Variants in ADAMTSL2 observed in about 807,000 individuals in gnomAD.
ADAMTSL2 encodes ADAMTS like 2.
In ADAMTSL2, 55 loss-of-function variants were observed where a neutral mutation model predicts 117.0. That is an observed-to-expected ratio of 0.47 (90% confidence interval 0.38 to 0.59). The LOEUF (loss-of-function observed/expected upper bound fraction) is 0.59, where lower values mean the gene tolerates loss of function less well. Ranked by LOEUF, ADAMTSL2 falls within the 20% of genes least tolerant of loss-of-function variation. The pLI is 0.00. For synonymous variants in ADAMTSL2, 572 were observed against 566.4 expected, an observed-to-expected ratio of 1.01 and a Z score of -0.14; for missense variants, 1,182 against 1,354.5, an observed-to-expected ratio of 0.87 and a Z score of 2.00.
chr9:133,550,865 A>C (rs1408134734), intron 9 of ADAMTSL2, among the ~76,000 whole-genome samples: 1 of 152,110 alleles, frequency 6.6e-6, no homozygotes, highest in Admixed American at 6.5e-5. Context: ...TCTGTCTTCT[A>C]CTGGGGTGTT....
chr9:133,536,885 G>A, intron 2 of ADAMTSL2, 83 bp downstream of exon 2: 2 of 1,597,832 alleles, frequency 1.3e-6, no homozygotes, highest in South Asian at 1.1e-5. Flanking sequence ...CTGGCTTGGA[G>A]GGAGCCGTGT....
chr9:133,536,634 G>T lies in ADAMTSL2; in HGVS notation c.-79G>T. 6.2e-7 allele frequency: 1 copy of T among 1,613,858 alleles called. No homozygotes were observed. Among genetic ancestry groups the T allele is most frequent in the Non-Finnish European group, 8.5e-7 (1 of 1,179,926 alleles). The stretch of plus-strand genomic sequence containing the variant: ...CCTGGGCACTGGCTGGGCCCCGAGG[G>T]CTCTTCCCAAAGCGTACCCTGGTCA... On this transcript the variant is annotated 5_prime_UTR_variant, in exon 2 of 19. Transcript: ENST00000651351.
intron 12 of ADAMTSL2, among the ~76,000 whole-genome samples, 193 bp downstream of exon 12, chr9:133,561,488 C>T (rs1016922907): frequency 6.6e-6 from 1 of 151,996 alleles, no homozygotes; most frequent in Admixed American, 6.6e-5. Flanking sequence ...CCCTCATTCT[C>T]ACAGTGTGCT....
At chr9:133,542,815 G>T (rs571732813) in intron 7 of ADAMTSL2, among the ~76,000 whole-genome samples, 1 of 152,300 alleles carries the variant, frequency 6.6e-6, no homozygotes, top group South Asian at 2.1e-4. Flanking sequence ...TGGGGGCTGT[G>T]GGATGGGCTG....
intron 17 of ADAMTSL2, among the ~76,000 whole-genome samples, chr9:133,573,461 G>A (rs947146109): frequency 9.4e-4 from 143 of 152,310 alleles, no homozygotes; most frequent in African/African-American, 3.3e-3. Flanking sequence ...CCCTCACTGT[G>A]CATCTGGGGA....
intron 4 of ADAMTSL2, 108 bp from the exon 5 acceptor site, chr9:133,539,663 C>CGGCTGTCCCGGCTGTCCA: frequency 1.8e-6 from 2 of 1,112,754 alleles, no homozygotes; most frequent in Non-Finnish European, 2.6e-6. Flanking sequence ...ACGGCTGTCC[C>CGGCTGTCCCGGCTGTCCA]GGCTGTCCCG....
chr9:133,537,268 G>A, intron 2 of ADAMTSL2, 137 bp from the exon 3 acceptor site: 1 of 972,692 alleles, frequency 1.0e-6, no homozygotes, highest in Non-Finnish European at 1.4e-6. Context: ...GCTGCCGAGT[G>A]ACCCTGCAAG....
rs113994125 is a variant in ADAMTSL2, at chr9:133,570,501, G to A, written c.2586G>A (p.Trp862Ter). The change falls in exon 17 of 19, where the codon TGG (tryptophan) becomes TGA (stop). Residue 862 changes from tryptophan (W) to a stop codon, truncating the protein, a stop_gained. Coordinates refer to ENST00000651351, the MANE Select transcript of ADAMTSL2 (RefSeq NM_014694.4). LOFTEE classifies it high-confidence loss of function. ...RPCFKWYTSP[W>*]SECTKTCGVG... is the part of the protein sequence containing the mutation. ...GCTTCAAGTGGTACACCAGCCCCTGGTCAGAGGTGAGCTCCCAGCCGGCCC... is the reference window on the plus strand; with the variant it reads ...GCTTCAAGTGGTACACCAGCCCCTGATCAGAGGTGAGCTCCCAGCCGGCCC... The A allele has an allele frequency of 1.2e-6, 2 of 1,611,438 alleles. No homozygotes were observed. Among genetic ancestry groups the A allele is most frequent in the South Asian group, 1.1e-5 (1 of 90,726 alleles).
upstream of ADAMTSL2, among the ~76,000 whole-genome samples, chr9:133,532,890 C>T (rs1349606788): frequency 2.0e-5 from 3 of 152,212 alleles, no homozygotes; most frequent in Non-Finnish European, 4.4e-5. Context: ...AGACCCGTCT[C>T]CCAGGTGGCC....
At chr9:133,550,419 T>C (rs1056109813) in intron 9 of ADAMTSL2, among the ~76,000 whole-genome samples, 3 of 152,172 alleles carry the variant, frequency 2.0e-5, no homozygotes, top group African/African-American at 4.8e-5. Flanking sequence ...CATGCGCCCA[T>C]TGTGGCACGT....
Position 133,554,587 on chromosome 9 carries a change from C to T in ADAMTSL2, c.1170C>T (p.Gly390=), listed in dbSNP as rs1027321376. 5.8e-6 allele frequency: 9 copies of T among 1,548,370 alleles called. No individual in the cohort carries two copies. The highest frequency in any genetic ancestry group is 7.8e-6 in the Non-Finnish European group (9 of 1,147,270). The change falls in exon 10 of 19, where the codon GGC becomes GGT. Residue 390 remains glycine, a synonymous_variant. Transcript: ENST00000651351. The surrounding 1 kb of genome is among the most constrained non-coding windows in gnomAD (Gnocchi z 5.2). ...ACAACCGGCTGTTCGGCCACCCGGG[C>T]CTGGACATGGAGCTGGGCCCCAGCC... ...GLDNRLFGHP[G]LDMELGPSQG...
In ADAMTSL2 at chr9:133,540,282, G is replaced by A. The variant is rs117608058; in HGVS notation, c.413-316G>A. On this transcript the variant is annotated intron_variant, in intron 5 of 18. Transcript: ENST00000651351. ...CTCCTGCTCACCCGCAAGGGCCAGGGCTGGGGTGCCCAGGGCCAGCAGCAC... is the reference window on the plus strand; with the variant it reads ...CTCCTGCTCACCCGCAAGGGCCAGGACTGGGGTGCCCAGGGCCAGCAGCAC... 0.019 allele frequency among the ~76,000 whole-genome samples: 2,867 copies of A among 152,318 alleles called. 51 individuals carry two copies. The highest frequency in any genetic ancestry group is 0.034 in the Middle Eastern group (10 of 294).
intron 2 of ADAMTSL2, 105 bp from the exon 3 acceptor site, chr9:133,537,297 TGTG>T (rs1438466938): frequency 8.3e-7 from 1 of 1,206,298 alleles, no homozygotes; most frequent in African/African-American, 1.6e-5. Flanking sequence ...GCCAGGGGGC[TGTG>T]TCTTCTGGTC....
intron 5 of ADAMTSL2, 116 bp from the exon 6 acceptor site, chr9:133,540,482 C>A: frequency 3.6e-6 from 5 of 1,393,728 alleles, no homozygotes; most frequent in Non-Finnish European, 4.9e-6. Context: ...GTTCTCCAGG[C>A]CTGAGTTGCC....
At position 133,564,114 on chromosome 9, in the gene ADAMTSL2, AAG is replaced by A. The variant is rs1383704724; in HGVS notation, c.1747+2820_1748-2820del. 1.4e-3 allele frequency among the ~76,000 whole-genome samples: 9 copies of A among 6,326 alleles called. 1 individual carries two copies. The highest frequency in any genetic ancestry group is 4.9e-3 in the Admixed American group (3 of 608). The allele number at this position is 6,326 out of a possible 152,430, so 4.2% of individuals were successfully genotyped here. On this transcript the variant is annotated intron_variant, in intron 12 of 18. Coordinates refer to ENST00000651351, the MANE Select transcript of ADAMTSL2 (RefSeq NM_014694.4). The stretch of plus-strand genomic sequence containing the variant: ...AGAGGGAGAGAGAGAGAGAGAGAAA[AAG>A]GGGGAGAGAGAGAGAGAGAGAGAGA...
Position 133,554,668 on chromosome 9 carries a change from GC to G in ADAMTSL2, c.1257del (p.Arg420GlyfsTer50). The G allele has an allele frequency of 2.0e-6, 3 of 1,515,992 alleles. No homozygotes were observed. Among genetic ancestry groups the G allele is most frequent in the Non-Finnish European group, 2.7e-6 (3 of 1,127,428 alleles). The allele number at this position is 1,515,992 out of a possible 1,614,324, so 93.9% of individuals were successfully genotyped here. ...EQAGGGACEG[P>X]PRGKGFRDRN... ...AGGCCGGCGGCGGGGCCTGCGAGGG[GC>G]CCCCCAGGGGCAAGGGCTTCCGAGG... On this transcript the variant is annotated frameshift_variant, in exon 10 of 19. Transcript: ENST00000651351. LOFTEE classifies it high-confidence loss of function. The surrounding 1 kb of genome is among the most constrained non-coding windows in gnomAD (Gnocchi z 5.2).
At position 133,541,010 on chromosome 9, in the gene ADAMTSL2, C is replaced by T. The variant is rs769404599; in HGVS notation, c.682+9C>T. 1.2e-6 allele frequency: 2 copies of T among 1,612,214 alleles called. No homozygotes were observed. Among genetic ancestry groups the T allele is most frequent in the African/African-American group, 2.7e-5 (2 of 75,028 alleles). On this transcript the variant is annotated intron_variant, in intron 7 of 18. Coordinates refer to ENST00000651351, the MANE Select transcript of ADAMTSL2 (RefSeq NM_014694.4). ...GGGGAATGCCCACCTTGGTAAGCCA[C>T]AGCGCGCCCTGGAGTCCAAGCACAG...
At chr9:133,534,529 C>A (rs1349660848), upstream of ADAMTSL2, 2 of 686,570 alleles carry the variant, frequency 2.9e-6, no homozygotes, top group African/African-American at 1.9e-5. Flanking sequence ...GCCGCCGCCG[C>A]CGGCAGCAGC....
At chr9:133,538,115 T>C (rs1830096818) in intron 3 of ADAMTSL2, among the ~76,000 whole-genome samples, 1 of 152,244 alleles carries the variant, frequency 6.6e-6, no homozygotes, top group Non-Finnish European at 1.5e-5. Context: ...ATGTGGTTGT[T>C]TCAATTCTGT....
Sources: gnomAD v4.1 joint callset for allele counts (sites outside exome capture counted in the v4.1 genomes callset) on GRCh38, gnomAD v4.1.1 for gene constraint, Gnocchi (gnomAD v3.1) non-coding constraint, MANE v1.5 for transcripts, NCBI Gene and HGNC (gene_info 2026-07-23, HGNC 2026-07-21) for gene names.